NCKAP5: variants seen among roughly 807,000 people sequenced by gnomAD.
NCKAP5 encodes NCK associated protein 5, also known as nck-associated protein 5.
NCKAP5 carries 92 observed loss-of-function variants against 167.0 expected under a neutral mutation model. The ratio of observed to expected loss-of-function variants is 0.55; its 90% CI spans 0.47 to 0.66. The LOEUF (loss-of-function observed/expected upper bound fraction) is 0.66, where lower values mean the gene tolerates loss of function less well. Among genes scored for constraint, NCKAP5 ranks in the 30% least tolerant of loss-of-function variants. The pLI, the probability that NCKAP5 is intolerant of heterozygous loss-of-function variation, is 0.00. For missense variants in NCKAP5, 2,378 were observed against 2,315.0 expected, an observed-to-expected ratio of 1.03 and a Z score of -0.56; for synonymous variants, 891 against 877.4, an observed-to-expected ratio of 1.02 and a Z score of -0.27.
intron 4 of NCKAP5, among the ~76,000 whole-genome samples, chr2:133,284,464 C>T (rs2090036833): frequency 1.3e-5 from 2 of 152,170 alleles, no homozygotes; most frequent in South Asian, 2.1e-4. Flanking sequence ...TTGAAGTTGA[C>T]ATCAAAGAAG....
At chr2:132,717,360 T>C (rs1005056332) in intron 19 of NCKAP5, among the ~76,000 whole-genome samples, 47 of 152,226 alleles carry the variant, frequency 3.1e-4, no homozygotes, top group Admixed American at 2.3e-3. Context: ...GGAGTGATTA[T>C]AACGAGTTTG....
chr2:132,792,784 T>C (rs999834979), intron 12 of NCKAP5, among the ~76,000 whole-genome samples: 10 of 152,222 alleles, frequency 6.6e-5, no homozygotes, highest in Non-Finnish European at 1.5e-4. Context: ...TTCCCGCCTG[T>C]TCTTCCTACT....
intron 3 of NCKAP5, among the ~76,000 whole-genome samples, chr2:133,496,328 T>A (rs1444004261): frequency 2.0e-5 from 3 of 152,212 alleles, no homozygotes; most frequent in Non-Finnish European, 4.4e-5. Context: ...TTTCTCATTA[T>A]CCTTTATGGT....
At chr2:132,930,099 G>A (rs890116319) in intron 8 of NCKAP5, 1 of 152,146 alleles carries the variant, frequency 6.6e-6, no homozygotes, top group Non-Finnish European at 1.5e-5. Flanking sequence ...GTATAAGCCA[G>A]GTCCCCGTAA....
Position 133,558,704 on chromosome 2 carries a change from C to CAAAAAAAAAAAAAAAAAAAAA in NCKAP5, c.-62+325_-62+345dup, listed in dbSNP as rs60051493. On this transcript the variant is annotated intron_variant, in intron 2 of 19. Transcript: ENST00000409261. ...ACATAAACAGATGCAATGTGCTGAG[C>CAAAAAAAAAAAAAAAAAAAAA]AAAAAAAAAAAAAAAAAAAAAAGCC... Among the ~76,000 whole-genome samples the CAAAAAAAAAAAAAAAAAAAAA allele has an allele frequency of 4.7e-4, 24 of 50,870 alleles. 6 individuals carry two copies. Among genetic ancestry groups the CAAAAAAAAAAAAAAAAAAAAA allele is most frequent in the Admixed American group, 1.2e-3 (4 of 3,234 alleles). 33.4% of individuals were successfully genotyped at this position (50,870 alleles called of 152,430 possible).
chr2:132,801,218 T>C (rs1269842919), intron 11 of NCKAP5, among the ~76,000 whole-genome samples: 1 of 152,116 alleles, frequency 6.6e-6, no homozygotes, highest in Non-Finnish European at 1.5e-5. Context: ...TAATTCTCAA[T>C]TGGAAGAAAG....
chr2:133,252,963 T>A (rs1300125536), intron 4 of NCKAP5, among the ~76,000 whole-genome samples: 1 of 152,222 alleles, frequency 6.6e-6, no homozygotes, highest in East Asian at 1.9e-4. Context: ...TAGCAACTTG[T>A]GGCACGTGAG....
intron 5 of NCKAP5, among the ~76,000 whole-genome samples, chr2:133,164,314 C>CA (rs1414965831): frequency 5.9e-5 from 9 of 152,190 alleles, no homozygotes; most frequent in African/African-American, 2.2e-4. Context: ...AGATTGTAGT[C>CA]ACAGGAAGAG....
At chr2:132,909,208 T>C (rs1329217347) in intron 8 of NCKAP5, among the ~76,000 whole-genome samples, 1 of 152,058 alleles carries the variant, frequency 6.6e-6, no homozygotes, top group African/African-American at 2.4e-5. Flanking sequence ...TAGCTACGTG[T>C]GGTGGCGCAC....
chr2:133,308,689 C>CTTTTTTTTTTTT (rs35760716), intron 3 of NCKAP5, among the ~76,000 whole-genome samples: 1 of 59,278 alleles, frequency 1.7e-5, no homozygotes, highest in African/African-American at 6.3e-5. Flanking sequence ...AAATACAATT[C>CTTTTTTTTTTTT]TTTTTTTTTT....
intron 11 of NCKAP5, among the ~76,000 whole-genome samples, chr2:132,829,536 G>T (rs1242603244): frequency 6.6e-6 from 1 of 152,162 alleles, no homozygotes; most frequent in Admixed American, 6.5e-5. Flanking sequence ...ACTGCAGAGT[G>T]AGCATGCCTG....
At chr2:132,769,491 A>ATGTT (rs1418049559) in intron 16 of NCKAP5, among the ~76,000 whole-genome samples, 9 of 150,696 alleles carry the variant, frequency 6.0e-5, no homozygotes, top group Non-Finnish European at 1.2e-4. Context: ...GTTAGACAAC[A>ATGTT]TGAAGAACAG....
intron 6 of NCKAP5, among the ~76,000 whole-genome samples, chr2:133,013,086 T>C (rs1211309566): frequency 6.6e-6 from 1 of 152,232 alleles, no homozygotes; most frequent in East Asian, 1.9e-4. Context: ...GACTCCACTG[T>C]CTACATTCAG....
chr2:132,784,853 T>C lies in NCKAP5; in HGVS notation c.1958A>G (p.Lys653Arg), dbSNP rs1683407650. 1 of 1,563,820 alleles carries C rather than the reference T, an allele frequency of 6.4e-7. No homozygotes were observed. Among genetic ancestry groups the C allele is most frequent in the Non-Finnish European group, 8.7e-7 (1 of 1,155,510 alleles). ...ETRPKTFSFI[K>R]QQRVVKRTSS... ...AGTCCTTTTTACAACTCTTTGCTGC[T>C]TAATGAAACTAAAAGTCTTTGGCCT... Residue 653 changes from lysine to arginine, a missense_variant, in exon 14 of 20, where the codon AAG (lysine) becomes AGG (arginine). Transcript: ENST00000409261.
chr2:133,404,430 T>G (rs1688297387), intron 3 of NCKAP5, among the ~76,000 whole-genome samples: 1 of 152,230 alleles, frequency 6.6e-6, no homozygotes, highest in Non-Finnish European at 1.5e-5. Flanking sequence ...TAGATACATA[T>G]ATAGCTATGA....
chr2:133,381,183 T>C (rs1003664340), intron 3 of NCKAP5, among the ~76,000 whole-genome samples: 3 of 146,100 alleles, frequency 2.1e-5, no homozygotes, highest in Middle Eastern at 3.8e-3. Flanking sequence ...TGACAAGGCA[T>C]GGCACTTAGG....
chr2:132,713,806 G>A, intron 19 of NCKAP5, among the ~76,000 whole-genome samples: 1 of 152,092 alleles, frequency 6.6e-6, no homozygotes, highest in East Asian at 1.9e-4. Flanking sequence ...CATAAATAGA[G>A]AAGCAAGCTG....
intron 6 of NCKAP5, among the ~76,000 whole-genome samples, chr2:133,067,177 T>A (rs2080228328): frequency 6.6e-6 from 1 of 152,288 alleles, no homozygotes; most frequent in African/African-American, 2.4e-5. Context: ...GAGTGCCATT[T>A]TTATAGGTAC....
intron 4 of NCKAP5, among the ~76,000 whole-genome samples, chr2:133,276,832 T>A (rs1574578031): frequency 6.6e-6 from 1 of 152,030 alleles, no homozygotes; most frequent in African/African-American, 2.4e-5. Context: ...ATTAAAAAAA[T>A]ATCACGGCCA....
Sources: allele counts gnomAD v4.1 joint callset (sites outside exome capture counted in the v4.1 genomes callset), GRCh38; gene constraint gnomAD v4.1.1; transcripts MANE v1.5; gene names NCBI Gene and HGNC (gene_info 2026-07-23, HGNC 2026-07-21).